The following PEX1 variants were observed in gnomAD, a reference collection of about 807,000 sequenced individuals.
PEX1 encodes the protein peroxisomal ATPase PEX1.
A neutral mutation model predicts 152.5 loss-of-function variants in PEX1; 97 were observed. The ratio of observed to expected loss-of-function variants is 0.64; its 90% CI spans 0.54 to 0.75. The LOEUF (loss-of-function observed/expected upper bound fraction) is 0.75, where lower values mean the gene tolerates loss of function less well. Among genes scored for constraint, PEX1 ranks in the 30% least tolerant of loss-of-function variants. The pLI, the probability that PEX1 is intolerant of heterozygous loss-of-function variation, is 0.00. For synonymous variants in PEX1, 485 were observed against 531.6 expected (o/e 0.91, Z 1.21); for missense variants, 1,357 against 1,516.3 (o/e 0.89, Z 1.74).
At chr7:92,526,439 G>A (rs1793271779) in intron 1 of PEX1, among the ~76,000 whole-genome samples, 2 of 152,152 alleles carry the variant, frequency 1.3e-5, no homozygotes, top group African/African-American at 4.8e-5. Flanking sequence ...AGTAATTCAA[G>A]TATTAACTCC....
At chr7:92,501,763 T>C in intron 14 of PEX1, 90 bp from the exon 15 acceptor site, 1 of 1,374,002 alleles carries the variant, frequency 7.3e-7, no homozygotes, top group Admixed American at 1.8e-5. Context: ...GAAACACTAA[T>C]TTTCTACTCA....
intron 6 of PEX1, among the ~76,000 whole-genome samples, chr7:92,513,090 T>C (rs1792556186): frequency 6.6e-6 from 1 of 152,112 alleles, no homozygotes; most frequent in Non-Finnish European, 1.5e-5. Context: ...CGTGGCAAAA[T>C]GATCAATCTC....
chr7:92,520,417 T>C (rs1396745293), intron 2 of PEX1, among the ~76,000 whole-genome samples: 2 of 152,158 alleles, frequency 1.3e-5, no homozygotes, highest in Non-Finnish European at 2.9e-5. Flanking sequence ...CCTATTCTCA[T>C]CAAAAAACAT....
chr7:92,490,075 C>T, intron 21 of PEX1, 164 bp from the exon 22 acceptor site: 1 of 667,910 alleles, frequency 1.5e-6, no homozygotes, highest in Non-Finnish European at 2.6e-6. Flanking sequence ...AGTTGTTCAT[C>T]TTTTATAAAG....
chr7:92,510,434 C>T (rs556445822), intron 8 of PEX1, among the ~76,000 whole-genome samples: 1 of 151,780 alleles, frequency 6.6e-6, no homozygotes, highest in East Asian at 1.9e-4. Flanking sequence ...CCACTGCACT[C>T]CAGCCTGGGC....
chr7:92,491,279 GAA>G lies in PEX1; in HGVS notation c.3429_3430del (p.Ser1144Ter). On this transcript the variant is annotated frameshift_variant, in exon 21 of 24. Coordinates refer to ENST00000248633, the MANE Select transcript of PEX1 (RefSeq NM_000466.3). LOFTEE classifies it high-confidence loss of function. ...GATGACTGCACAAGATACCAAATCA[GAA>G]GAGGTTCCATTTCCAAGTTCTGATT... 6.3e-7 allele frequency: 1 copy of G among 1,597,492 alleles called. No homozygotes were observed. The highest frequency in any genetic ancestry group is 8.6e-7 in the Non-Finnish European group (1 of 1,164,860).
rs1164941642 is a variant in PEX1, at chr7:92,511,668, TAC to T, written c.1393_1394del (p.Val465IlefsTer24). On this transcript the variant is annotated frameshift_variant, in exon 7 of 24. Transcript: ENST00000248633. LOFTEE classifies it high-confidence loss of function. ...TAGACTGCTGTAGCCATGAATAAAA[TAC>T]AGTTTTTATGTCTTCTTCACTTATG... Reference protein sequence around the residue: ...KDISEEDIKTVFYSWLQQSTT... With the variant: ...KDISEEDIKTXFYSWLQQSTT... 1.9e-6 allele frequency: 3 copies of T among 1,611,420 alleles called. No individual in the cohort carries two copies. The highest frequency in any genetic ancestry group is 2.2e-5 in the East Asian group (1 of 44,834).
Position 92,511,699 on chromosome 7 carries a change from T to C in PEX1, c.1364A>G (p.Lys455Arg), listed in dbSNP as rs1440106500. Reference sequence around the variant, plus strand: ...TTTTATGTCTTCTTCACTTATGTCTTTAGGCTGCCAGAAAAAGGAATAGTA... The same window carrying C: ...TTTTATGTCTTCTTCACTTATGTCTCTAGGCTGCCAGAAAAAGGAATAGTA... ...LKLQPRENLP[K>R]DISEEDIKTV... is the part of the protein sequence containing the mutation. Residue 455 changes from lysine to arginine, a missense_variant, in exon 7 of 24, where the codon AAA (lysine) becomes AGA (arginine). Lys to Arg is a conservative substitution (Grantham distance 26). Transcript: ENST00000248633. The C allele has an allele frequency of 1.2e-6, 2 of 1,611,668 alleles. No individual in the cohort carries two copies. Among genetic ancestry groups the C allele is most frequent in the Non-Finnish European group, 1.7e-6 (2 of 1,178,926 alleles).
At chr7:92,503,771 C>T (rs1054326390) in intron 12 of PEX1, among the ~76,000 whole-genome samples, 10 of 152,080 alleles carry the variant, frequency 6.6e-5, no homozygotes, top group African/African-American at 2.4e-4. Context: ...AGATTAGTAA[C>T]ACCAGTCCTA....
At chr7:92,502,682 C>T (rs1379516674) in intron 13 of PEX1, among the ~76,000 whole-genome samples, 1 of 152,140 alleles carries the variant, frequency 6.6e-6, no homozygotes, top group Non-Finnish European at 1.5e-5. Context: ...TTTCAGCTCA[C>T]TACCACTAAA....
At chr7:92,519,103 C>A in intron 2 of PEX1, 25 bp from the exon 3 acceptor site, 2 of 1,394,530 alleles carry the variant, frequency 1.4e-6, no homozygotes, top group Non-Finnish European at 1.0e-6. Context: ...AAATTTAAAA[C>A]TACTTTAAAA....
At chr7:92,526,535 A>G (rs1159586446) in intron 1 of PEX1, among the ~76,000 whole-genome samples, 1 of 152,246 alleles carries the variant, frequency 6.6e-6, no homozygotes, top group African/African-American at 2.4e-5. Flanking sequence ...ACCAGAAATA[A>G]AATGATGTTT....
intron 6 of PEX1, among the ~76,000 whole-genome samples, chr7:92,513,276 T>G (rs1792565857): frequency 6.6e-6 from 1 of 152,192 alleles, no homozygotes; most frequent in Non-Finnish European, 1.5e-5. Context: ...GTAGCATTAT[T>G]CACAGCAGCC....
intron 3 of PEX1, 91 bp from the exon 4 acceptor site, chr7:92,518,346 C>G (rs1383609750): frequency 2.4e-6 from 2 of 827,892 alleles, no homozygotes; most frequent in East Asian, 2.6e-5. Flanking sequence ...TTTTAAAAAA[C>G]AAATTTTAAT....
At chr7:92,496,156 C>A (rs147880213) in intron 17 of PEX1, among the ~76,000 whole-genome samples, 9 of 152,120 alleles carry the variant, frequency 5.9e-5, no homozygotes, top group African/African-American at 2.2e-4. Context: ...ATTCTCTTAA[C>A]TGTATACTTT....
chr7:92,496,192 A>G (rs368019243), intron 17 of PEX1, among the ~76,000 whole-genome samples: 16 of 152,154 alleles, frequency 1.1e-4, no homozygotes, highest in African/African-American at 1.2e-4. Flanking sequence ...GAAGAATAAA[A>G]CAGTAACTTT....
In PEX1 at chr7:92,501,893, C is replaced by T. The variant is rs1296693435; in HGVS notation, c.2413G>A (p.Glu805Lys). 1.9e-6 allele frequency: 3 copies of T among 1,612,614 alleles called. No homozygotes were observed. The highest frequency in any genetic ancestry group is 1.7e-4 in the Middle Eastern group (1 of 6,058). ...RLSRQSISTR[E>K]KLVLTTLDFQ... is the part of the protein sequence containing the mutation. The stretch of plus-strand genomic sequence containing the variant: ...AGGTTTTAATAGTAAAACATACTTT[C>T]TCTGGTGGATATACTCTGACGAGAG... The change falls in exon 14 of 24, where the codon GAA (glutamate) becomes AAA (lysine). Residue 805 changes from glutamate to lysine, a missense_variant. Transcript: ENST00000248633.
intron 1 of PEX1, among the ~76,000 whole-genome samples, chr7:92,527,892 C>A (rs1426457991): frequency 6.6e-6 from 1 of 152,378 alleles, no homozygotes; most frequent in South Asian, 2.1e-4. Flanking sequence ...CGGGAACCGA[C>A]AGGGGCTCCG....
At chr7:92,501,393 G>T in intron 15 of PEX1, 114 bp downstream of exon 15, 1 of 800,480 alleles carries the variant, frequency 1.2e-6, no homozygotes, top group East Asian at 2.5e-5. Flanking sequence ...TGGTAACTCA[G>T]TAAACACTTG....
Sources: allele counts gnomAD v4.1 joint callset (sites outside exome capture counted in the v4.1 genomes callset), GRCh38; gene constraint gnomAD v4.1.1; transcripts MANE v1.5; gene names NCBI Gene and HGNC (gene_info 2026-07-23, HGNC 2026-07-21).